The following LRMDA variants were observed in gnomAD, a reference collection of about 807,000 sequenced individuals.
LRMDA encodes leucine rich melanocyte differentiation associated.
A neutral mutation model predicts 29.8 loss-of-function variants in LRMDA; 18 were observed. That is an observed-to-expected ratio of 0.60 (90% CI 0.42 to 0.90). The LOEUF (loss-of-function observed/expected upper bound fraction) is 0.90. Ranked by LOEUF, LRMDA falls within the 40% of genes least tolerant of loss-of-function variation. The pLI, the probability that LRMDA is intolerant of heterozygous loss-of-function variation, is 0.00. For synonymous variants in LRMDA, 125 were observed against 109.4 expected (o/e 1.14, Z -0.89); for missense variants, 273 against 273.9 (o/e 1.00, Z 0.02).
rs1311791010 is a variant in LRMDA at position 76,285,705 on chromosome 10, G to A, written c.517-38696G>A. The stretch of plus-strand genomic sequence containing the variant: ...GCCAATGAAGCTCTTTATGAGGGAT[G>A]GAGACAGGCCAGTATCTTTGGCCTG... On this transcript the variant is annotated intron_variant, in intron 5 of 6. Transcript: ENST00000611255. 3.9e-5 allele frequency among the ~76,000 whole-genome samples: 6 copies of A among 152,226 alleles called. No individual in the cohort carries two copies. The South Asian group carries it at 1.2e-3, about 32-fold the overall frequency.
At chr10:75,859,608 C>CAT (rs1175194384) in intron 2 of LRMDA, among the ~76,000 whole-genome samples, 1 of 142,926 alleles carries the variant, frequency 7.0e-6, no homozygotes. Flanking sequence ...CATACACACA[C>CAT]ACACACACAC....
intron 5 of LRMDA, among the ~76,000 whole-genome samples, chr10:76,183,504 T>C (rs935175002): frequency 2.0e-5 from 3 of 152,130 alleles, no homozygotes; most frequent in Admixed American, 1.3e-4. Context: ...TGCACCTGAA[T>C]GGTACATTTC....
intron 6 of LRMDA, among the ~76,000 whole-genome samples, chr10:76,542,808 G>T (rs1218906789): frequency 6.6e-6 from 1 of 152,140 alleles, no homozygotes; most frequent in Non-Finnish European, 1.5e-5. Context: ...CCCCTGAAAA[G>T]GGAAAAGCTG....
intron 2 of LRMDA, among the ~76,000 whole-genome samples, chr10:75,988,847 C>T (rs570872541): frequency 6.6e-6 from 1 of 152,286 alleles, no homozygotes; most frequent in South Asian, 2.1e-4. Flanking sequence ...CCTTGCAGCT[C>T]CTCGGACCTA....
chr10:76,012,948 G>A (rs992678384), intron 2 of LRMDA, among the ~76,000 whole-genome samples: 1 of 152,192 alleles, frequency 6.6e-6, no homozygotes, highest in Non-Finnish European at 1.5e-5. Context: ...AGGAGAAAGT[G>A]AGGGATGCCT....
chr10:76,233,175 G>C (rs951901029), intron 5 of LRMDA, among the ~76,000 whole-genome samples: 7 of 152,132 alleles, frequency 4.6e-5, no homozygotes, highest in African/African-American at 1.4e-4. Flanking sequence ...TCACTATCAA[G>C]ACTGCCCCAA....
At chr10:75,920,916 G>T (rs1250320818) in intron 2 of LRMDA, among the ~76,000 whole-genome samples, 2 of 152,170 alleles carry the variant, frequency 1.3e-5, no homozygotes, top group Admixed American at 1.3e-4. Flanking sequence ...GGGCCATGTT[G>T]TTCCACTAGA....
At chr10:76,183,082 C>A (rs11001672) in intron 5 of LRMDA, among the ~76,000 whole-genome samples, 6 of 152,142 alleles carry the variant, frequency 3.9e-5, no homozygotes, top group African/African-American at 1.4e-4. Flanking sequence ...GAAGGAGTCC[C>A]CTCTCATTTT....
At chr10:76,223,484 C>G (rs540174350) in intron 5 of LRMDA, among the ~76,000 whole-genome samples, 1 of 152,242 alleles carries the variant, frequency 6.6e-6, no homozygotes, top group East Asian at 1.9e-4. Context: ...ATCATGTGTT[C>G]CCCCAAAATT....
rs1415371078 is a variant in LRMDA, at chr10:76,138,142, T to C, written c.516+79359T>C. Among the ~76,000 whole-genome samples the C allele has an allele frequency of 2.0e-5, 3 of 152,182 alleles. No homozygotes were observed. In the East Asian group the frequency reaches 5.8e-4, roughly 29 times the overall value. ...GAAACACAGAGCCATGTTCTAATGA[T>C]GAAGGGCTGCAATTTACAGACCAAT... On this transcript the variant is annotated intron_variant, in intron 5 of 6. Coordinates refer to ENST00000611255, the MANE Select transcript of LRMDA (RefSeq NM_001305581.2).
At chr10:75,793,318 C>T (rs979057915) in intron 2 of LRMDA, among the ~76,000 whole-genome samples, 13 of 152,086 alleles carry the variant, frequency 8.5e-5, no homozygotes, top group Admixed American at 6.5e-5. Flanking sequence ...CAGTCTAGAT[C>T]CATTAGGAAA....
chr10:76,114,221 A>C (rs1055338173), intron 5 of LRMDA, among the ~76,000 whole-genome samples: 2 of 152,156 alleles, frequency 1.3e-5, no homozygotes, highest in African/African-American at 4.8e-5. Flanking sequence ...CTTTTCTAAT[A>C]TGTCACTCTT....
chr10:76,047,091 G>C, intron 3 of LRMDA, 73 bp from the exon 4 acceptor site: 2 of 1,540,986 alleles, frequency 1.3e-6, no homozygotes, highest in South Asian at 2.3e-5. Context: ...ACTCATCAGC[G>C]CCTGTCAGTC....
intron 5 of LRMDA, among the ~76,000 whole-genome samples, chr10:76,064,884 C>G (rs567639256): frequency 6.6e-6 from 1 of 152,224 alleles, no homozygotes; most frequent in African/African-American, 2.4e-5. Flanking sequence ...GGTTGTTTTT[C>G]TGGATGTTTC....
rs531292190 is a variant in LRMDA at position 75,795,249 on chromosome 10, C to A, written c.132-240759C>A. ...TCTCTACTAAAAATACAAAAATTAG[C>A]TGGGTATGGTGGTGCATGCCTGTAA... On this transcript the variant is annotated intron_variant, in intron 2 of 6. Transcript: ENST00000611255. 7.2e-5 allele frequency among the ~76,000 whole-genome samples: 11 copies of A among 152,156 alleles called. 1 individual carries two copies. Among genetic ancestry groups the A allele is most frequent in the African/African-American group, 2.7e-4 (11 of 41,508 alleles).
At chr10:75,852,308 A>C (rs1290584747) in intron 2 of LRMDA, among the ~76,000 whole-genome samples, 2 of 152,236 alleles carry the variant, frequency 1.3e-5, no homozygotes, top group Non-Finnish European at 2.9e-5. Flanking sequence ...TGTAATCTGC[A>C]TATATTAGGT....
At chr10:76,294,752 G>T (rs1013563076) in intron 5 of LRMDA, among the ~76,000 whole-genome samples, 11 of 152,190 alleles carry the variant, frequency 7.2e-5, no homozygotes, top group African/African-American at 2.7e-4. Context: ...ATTGAAGTAT[G>T]TGCTTGAAAG....
chr10:75,878,475 G>A (rs998329802), intron 2 of LRMDA, among the ~76,000 whole-genome samples: 3 of 151,848 alleles, frequency 2.0e-5, no homozygotes, highest in African/African-American at 4.8e-5. Context: ...TGAATTCTGC[G>A]TCATCCCGCC....
chr10:76,176,177 G>A (rs1246520357), intron 5 of LRMDA, among the ~76,000 whole-genome samples: 1 of 152,200 alleles, frequency 6.6e-6, no homozygotes, highest in Non-Finnish European at 1.5e-5. Flanking sequence ...TTCCACAGGT[G>A]TATGGGCTTC....
Sources: gnomAD v4.1 joint callset for allele counts (sites outside exome capture counted in the v4.1 genomes callset) on GRCh38, gnomAD v4.1.1 for gene constraint, MANE v1.5 for transcripts, NCBI Gene and HGNC (gene_info 2026-07-23, HGNC 2026-07-21) for gene names.